Variants in DDAH1 observed in about 807,000 individuals in gnomAD.
DDAH1 encodes the protein N(G),N(G)-dimethylarginine dimethylaminohydrolase 1.
In DDAH1, 19 loss-of-function variants were observed where a neutral mutation model predicts 28.8. The ratio of observed to expected loss-of-function variants is 0.66; its 90% CI spans 0.46 to 0.97. The LOEUF is 0.97. DDAH1 is among the 50% of genes least tolerant of loss of function. The pLI, the probability that DDAH1 is intolerant of heterozygous loss-of-function variation, is 0.00. For synonymous variants in DDAH1, 153 were observed against 154.4 expected (o/e 0.99, Z 0.07); for missense variants, 326 against 375.9 (o/e 0.87, Z 1.10).
chr1:85,465,100 C>G lies in DDAH1; in HGVS notation c.-55G>C. The G allele has an allele frequency of 1.7e-6, 2 of 1,193,036 alleles. No homozygotes were observed. 73.9% of individuals were successfully genotyped at this position (1,193,036 alleles called of 1,614,324 possible). A position where few individuals can be genotyped will look rare whatever the true frequency, so the allele number is the denominator to read the frequency against. On this transcript the variant is annotated 5_prime_UTR_variant, in exon 1 of 6. Transcript: ENST00000284031. Reference sequence around the variant, plus strand: ...CGGCGGAGGCGGCCGGGTCCTGCCGCGGGCAGCGCGCGCTGAGCCTGCGAG... The same window carrying G: ...CGGCGGAGGCGGCCGGGTCCTGCCGGGGGCAGCGCGCGCTGAGCCTGCGAG...
At chr1:85,465,833 C>T (rs2100696575), upstream of DDAH1, among the ~76,000 whole-genome samples, 1 of 152,276 alleles carries the variant, frequency 6.6e-6, no homozygotes, top group Non-Finnish European at 1.5e-5. Flanking sequence ...ATTTGGTTTC[C>T]AAGTCCCTTC....
intron 1 of DDAH1, among the ~76,000 whole-genome samples, chr1:85,442,569 G>A (rs1403555827): frequency 2.0e-5 from 3 of 152,144 alleles, no homozygotes; most frequent in Non-Finnish European, 4.4e-5. Context: ...GGGTCAAATG[G>A]TATTTCTAGT....
At chr1:85,404,554 A>T in intron 1 of DDAH1, 1 of 1,342,448 alleles carries the variant, frequency 7.4e-7, no homozygotes, top group Non-Finnish European at 9.6e-7. Flanking sequence ...AGACAGAAAA[A>T]AAAATAGGAG....
At chr1:85,495,174 T>G (rs1202600207) in intron 2 of DDAH1, 1 of 152,030 alleles carries the variant, frequency 6.6e-6, no homozygotes, top group Non-Finnish European at 1.5e-5. Flanking sequence ...TTTTTTTTTT[T>G]TTACTGTCTA....
chr1:85,322,957 C>T (rs554716600), intron 5 of DDAH1, among the ~76,000 whole-genome samples: 1 of 152,126 alleles, frequency 6.6e-6, no homozygotes, highest in East Asian at 1.9e-4. Context: ...GGTGGGGGTC[C>T]AGGAACTTGC....
rs558688809 is a variant in DDAH1 at position 85,535,226 on chromosome 1, T to C, written c.-122-38945A>G. On this transcript the variant is annotated intron_variant, in intron 1 of 6. Coordinates refer to the DDAH1 transcript ENST00000426972. ...ACGTGGGGCATAAAATAAAACACTT[T>C]GGCTTTCTTTCACCTTTGGGCAGCA... Among the ~76,000 whole-genome samples the C allele has an allele frequency of 2.0e-5, 3 of 152,228 alleles. No homozygotes were observed. The South Asian group carries it at 6.2e-4, about 32-fold the overall frequency.
chr1:85,385,192 C>T (rs1170239338), intron 1 of DDAH1, among the ~76,000 whole-genome samples: 1 of 152,142 alleles, frequency 6.6e-6, no homozygotes, highest in Non-Finnish European at 1.5e-5. Flanking sequence ...AGTACCTTTG[C>T]TGAAGAACTC....
intron 2 of DDAH1, among the ~76,000 whole-genome samples, chr1:85,477,159 T>C (rs1048953879): frequency 6.6e-6 from 1 of 152,114 alleles, no homozygotes; most frequent in African/African-American, 2.4e-5. Flanking sequence ...GAGCCGAGCA[T>C]ATGAGCAAAG....
chr1:85,384,355 A>C (rs1280572223), intron 1 of DDAH1, among the ~76,000 whole-genome samples: 1 of 152,240 alleles, frequency 6.6e-6, no homozygotes, highest in East Asian at 1.9e-4. Context: ...TGCAAATTCT[A>C]CCATTTTAGT....
chr1:85,512,187 G>C (rs1657266175), intron 1 of DDAH1, among the ~76,000 whole-genome samples: 1 of 152,146 alleles, frequency 6.6e-6, no homozygotes, highest in South Asian at 2.1e-4. Context: ...ATGCAAGGCT[G>C]GTTCAACATA....
chr1:85,507,527 T>TAAATAAATAAATAAAC (rs71075841), intron 1 of DDAH1, among the ~76,000 whole-genome samples: 15,597 of 149,082 alleles, frequency 0.1, 965 homozygotes, highest in Non-Finnish European at 0.14. Flanking sequence ...AATAAATAAA[T>TAAATAAATAAATAAAC]AAACAAACAA....
intron 1 of DDAH1, among the ~76,000 whole-genome samples, chr1:85,411,730 G>T (rs1256504675): frequency 6.6e-6 from 1 of 152,212 alleles, no homozygotes; most frequent in East Asian, 1.9e-4. Context: ...GAAGGTAAAC[G>T]CTGTGTTTCA....
intron 4 of DDAH1, among the ~76,000 whole-genome samples, chr1:85,334,755 G>T (rs1295418784): frequency 7.3e-6 from 1 of 137,156 alleles, no homozygotes; most frequent in Admixed American, 7.3e-5. Context: ...CCTACTCTCA[G>T]GTAGTTCTTT....
intron 1 of DDAH1, among the ~76,000 whole-genome samples, chr1:85,402,378 C>A (rs1413848025): frequency 6.6e-6 from 1 of 152,026 alleles, no homozygotes; most frequent in Non-Finnish European, 1.5e-5. Context: ...TGCTTTTCTT[C>A]AAGCAGAGTC....
At chr1:85,379,585 C>T (rs1650869361) in intron 1 of DDAH1, 1 of 985,062 alleles carries the variant, frequency 1.0e-6, no homozygotes, top group Admixed American at 6.1e-5. Context: ...ACTTACATAA[C>T]TTGTGAAAGA....
chr1:85,331,746 G>T (rs1335436869), intron 4 of DDAH1, among the ~76,000 whole-genome samples: 1 of 152,104 alleles, frequency 6.6e-6, no homozygotes, highest in East Asian at 1.9e-4. Context: ...GCCTGAGAGG[G>T]GCTTTAAGAT....
In DDAH1 at chr1:85,457,711, C is replaced by T. The variant is rs74098841; in HGVS notation, c.303+7032G>A. Among the ~76,000 whole-genome samples the T allele has an allele frequency of 4.9e-3, 752 of 152,286 alleles. 8 individuals carry two copies. The highest frequency in any genetic ancestry group is 0.017 in the African/African-American group (721 of 41,572). On this transcript the variant is annotated intron_variant, in intron 1 of 5. Transcript: ENST00000284031. Reference sequence around the variant, plus strand: ...CAGAATCAAGGCAAAAGGATGAAGACGGAGTTTCGCTCTTGTTGCCCAGGC... The same window carrying T: ...CAGAATCAAGGCAAAAGGATGAAGATGGAGTTTCGCTCTTGTTGCCCAGGC...
At chr1:85,403,658 A>G (rs994292925) in intron 1 of DDAH1, among the ~76,000 whole-genome samples, 1 of 152,228 alleles carries the variant, frequency 6.6e-6, no homozygotes, top group Non-Finnish European at 1.5e-5. Flanking sequence ...CAAGTCCTAA[A>G]CTTATTAAGG....
upstream of DDAH1, chr1:85,467,787 G>A (rs1655436584): frequency 6.6e-6 from 1 of 152,086 alleles, no homozygotes; most frequent in African/African-American, 2.4e-5. Context: ...AAATTCCCAA[G>A]GCACATCACC....
Sources: gnomAD v4.1 joint callset for allele counts (sites outside exome capture counted in the v4.1 genomes callset) on GRCh38, gnomAD v4.1.1 for gene constraint, MANE v1.5 for transcripts, NCBI Gene and HGNC (gene_info 2026-07-23, HGNC 2026-07-21) for gene names.